The following RAD52 variants were observed in gnomAD, a reference collection of about 807,000 sequenced individuals.
RAD52 encodes the protein RAD52 DNA repair protein.
Under a neutral mutation model 55.5 loss-of-function variants are expected in RAD52, and 47 were observed. That is an observed-to-expected ratio of 0.85 (90% CI 0.67 to 1.08). RAD52 has a LOEUF of 1.08. Ranked by LOEUF, RAD52 falls within the 50% of genes least tolerant of loss-of-function variation. The pLI is 0.00. For missense variants in RAD52, 468 were observed against 522.8 expected, an observed-to-expected ratio of 0.90 and a Z score of 1.02; for synonymous variants, 184 against 198.9, an observed-to-expected ratio of 0.92 and a Z score of 0.63.
At chr12:933,697 C>T (rs1332154130) in intron 1 of RAD52, among the ~76,000 whole-genome samples, 1 of 151,962 alleles carries the variant, frequency 6.6e-6, no homozygotes, top group Non-Finnish European at 1.5e-5. Flanking sequence ...ATCAAAATTA[C>T]AAAAAATTCT....
At chr12:950,575 A>AAAT (rs1958502908), upstream of RAD52, among the ~76,000 whole-genome samples, 1 of 151,090 alleles carries the variant, frequency 6.6e-6, no homozygotes, top group South Asian at 2.1e-4. Context: ...CCGTCTCAAA[A>AAAT]AAAAAAAAAA....
At chr12:985,299 C>G (rs1196278539) in intron 1 of RAD52, among the ~76,000 whole-genome samples, 1 of 152,242 alleles carries the variant, frequency 6.6e-6, no homozygotes, top group African/African-American at 2.4e-5. Context: ...TGCCAACACA[C>G]CCAGCTAATC....
At chr12:988,383 C>G (rs1280386150) in intron 1 of RAD52, among the ~76,000 whole-genome samples, 1 of 152,072 alleles carries the variant, frequency 6.6e-6, no homozygotes, top group Non-Finnish European at 1.5e-5. Context: ...CCCCACAGTC[C>G]ATGTTGGAGA....
rs191447801 is a variant in RAD52 at position 920,979 on chromosome 12, A to G, written c.544-4159T>C. On this transcript the variant is annotated intron_variant, in intron 7 of 11. Transcript: ENST00000358495. ...TCACAATGGAATGAAACTAGAAATC[A>G]ACAGCAAAAAGAAAACTGGAAAATC... Among the ~76,000 whole-genome samples, 361 of 152,330 alleles carry G rather than the reference A, an allele frequency of 2.4e-3. 3 individuals carry two copies. The highest frequency in any genetic ancestry group is 1.7e-3 in the South Asian group (8 of 4,830).
chr12:955,630 C>T (rs551617330), intron 1 of RAD52, among the ~76,000 whole-genome samples: 2 of 151,782 alleles, frequency 1.3e-5, no homozygotes, highest in South Asian at 2.1e-4. Flanking sequence ...CACGCCACCA[C>T]GCCCAGCTAA....
At position 912,796 on chromosome 12, in the gene RAD52, A is replaced by G. The variant is rs11571477; in HGVS notation, c.*595T>C. On this transcript the variant is annotated 3_prime_UTR_variant, in exon 12 of 12. Transcript: ENST00000358495. Reference sequence around the variant, plus strand: ...TTAGATGATTATTTCCTTCCTTAGGAAAAAATGTCAGTCTTGAAACAATGC... The same window carrying G: ...TTAGATGATTATTTCCTTCCTTAGGGAAAAATGTCAGTCTTGAAACAATGC... 3.0e-3 allele frequency: 543 copies of G among 183,936 alleles called. No homozygotes were observed. The highest frequency in any genetic ancestry group is 0.012 in the African/African-American group (525 of 42,676). 11.4% of individuals were successfully genotyped at this position (183,936 alleles called of 1,614,324 possible).
intron 7 of RAD52, among the ~76,000 whole-genome samples, chr12:920,784 T>C (rs1189453706): frequency 6.6e-6 from 1 of 152,136 alleles, no homozygotes; most frequent in Non-Finnish European, 1.5e-5. Context: ...TGAACAATAC[T>C]ATAGGCCAAC....
At chr12:965,693 G>GT (rs904777962) in intron 1 of RAD52, among the ~76,000 whole-genome samples, 18 of 150,138 alleles carry the variant, frequency 1.2e-4, no homozygotes, top group East Asian at 3.9e-4. Flanking sequence ...TGTTTGCTTG[G>GT]TTTTTTTTTC....
intron 6 of RAD52, 54 bp from the exon 7 acceptor site, chr12:925,579 T>C: frequency 1.4e-6 from 2 of 1,389,086 alleles, no homozygotes; most frequent in Non-Finnish European, 2.0e-6. Flanking sequence ...TACACATGAA[T>C]ATCAGAGAAT....
chr12:939,477 A>G (rs1034082867), intron 1 of RAD52, among the ~76,000 whole-genome samples: 1 of 152,140 alleles, frequency 6.6e-6, no homozygotes, highest in African/African-American at 2.4e-5. Context: ...AAAGGCTTCA[A>G]ATCTTTCAGG....
intron 1 of RAD52, among the ~76,000 whole-genome samples, chr12:971,873 C>T (rs992662075): frequency 7.2e-5 from 11 of 152,088 alleles, no homozygotes; most frequent in South Asian, 2.1e-4. Context: ...CTCAGCCTCC[C>T]GAGTAGCTGG....
At chr12:927,891 G>C (rs1957127150) in intron 5 of RAD52, among the ~76,000 whole-genome samples, 2 of 151,988 alleles carry the variant, frequency 1.3e-5, no homozygotes, top group Admixed American at 1.3e-4. Flanking sequence ...TCTGGGATAT[G>C]AAACAAAGGG....
intron 1 of RAD52, among the ~76,000 whole-genome samples, chr12:988,809 C>T (rs903351372): frequency 3.3e-5 from 5 of 151,312 alleles, no homozygotes; most frequent in African/African-American, 1.2e-4. Context: ...AATGACACCA[C>T]GTCCTTCATG....
At chr12:972,782 A>C (rs1451927976) in intron 1 of RAD52, among the ~76,000 whole-genome samples, 1 of 150,544 alleles carries the variant, frequency 6.6e-6, no homozygotes, top group Admixed American at 6.6e-5. Flanking sequence ...AAAAAAAAAA[A>C]AAAAAAGGGC....
At chr12:923,571 A>AT (rs1168949704) in intron 7 of RAD52, among the ~76,000 whole-genome samples, 1 of 115,270 alleles carries the variant, frequency 8.7e-6, no homozygotes, top group Non-Finnish European at 1.9e-5. Flanking sequence ...CATAAAATAA[A>AT]TTAAAAAAAA....
intron 7 of RAD52, among the ~76,000 whole-genome samples, chr12:919,749 TAA>T (rs755729351): frequency 1.7e-4 from 14 of 82,154 alleles, no homozygotes; most frequent in Middle Eastern, 7.2e-3. Flanking sequence ...AGACTCTGTC[TAA>T]AAAAAAAAAA....
chr12:939,440 G>A (rs532128814), intron 1 of RAD52, among the ~76,000 whole-genome samples: 24 of 152,078 alleles, frequency 1.6e-4, no homozygotes, highest in Non-Finnish European at 2.8e-4. Flanking sequence ...GTGAGCCACT[G>A]CACCCAGCCC....
At chr12:933,459 G>GA (rs35399875) in intron 1 of RAD52, among the ~76,000 whole-genome samples, 18,797 of 139,640 alleles carry the variant, frequency 0.13, 1,474 homozygotes, top group Non-Finnish European at 0.18. Flanking sequence ...TCCATTTCAG[G>GA]AAAAAAAAAA....
At chr12:951,081 T>A (rs1283564677), upstream of RAD52, among the ~76,000 whole-genome samples, 1 of 152,098 alleles carries the variant, frequency 6.6e-6, no homozygotes, top group Non-Finnish European at 1.5e-5. Flanking sequence ...AACCTGTTGA[T>A]CATTTGTATG....
Sources: allele counts gnomAD v4.1 joint callset (sites outside exome capture counted in the v4.1 genomes callset), GRCh38; gene constraint gnomAD v4.1.1; transcripts MANE v1.5; gene names NCBI Gene and HGNC (gene_info 2026-07-23, HGNC 2026-07-21).